OR51B5: variants seen among roughly 807,000 people sequenced by gnomAD.
OR51B5 encodes the protein olfactory receptor 51B5.
For missense variants in OR51B5, 456 were observed against 374.6 expected, an observed-to-expected ratio of 1.22 and a Z score of -1.79; for synonymous variants, 186 against 144.8, an observed-to-expected ratio of 1.28 and a Z score of -2.04.
rs1224211473 is a variant in OR51B5 at position 5,446,279 on chromosome 11, GT to G, written n.84+59289del. ...AAAAATACATACATAAAAAAAGAAA[GT>G]AGAATAACTCTCATGAGGTAACCCA... On this transcript the variant is annotated intron_variant and non_coding_transcript_variant, in intron 1 of 4. Coordinates refer to the OR51B5 transcript ENST00000415970. 2.7e-5 allele frequency among the ~76,000 whole-genome samples: 4 copies of G among 148,692 alleles called. No homozygotes were observed. The Admixed American group carries it at 2.7e-4, about 10-fold the overall frequency.
intron 1 of OR51B5, among the ~76,000 whole-genome samples, chr11:5,417,945 A>G (rs1589985307): frequency 6.9e-6 from 1 of 145,906 alleles, no homozygotes; most frequent in African/African-American, 2.5e-5. Context: ...TCATGCTGCT[A>G]TAAAGACACA....
intron 1 of OR51B5, among the ~76,000 whole-genome samples, chr11:5,470,828 A>G (rs1164158480): frequency 6.6e-6 from 1 of 152,170 alleles, no homozygotes; most frequent in African/African-American, 2.4e-5. Flanking sequence ...ATCTTCAACC[A>G]AAATATCTGC....
At chr11:5,387,653 T>C (rs773043885) in intron 1 of OR51B5, among the ~76,000 whole-genome samples, 1 of 152,170 alleles carries the variant, frequency 6.6e-6, no homozygotes, top group Non-Finnish European at 1.5e-5. Context: ...TGAATATACA[T>C]TGGCCTTCTT....
intron 1 of OR51B5, among the ~76,000 whole-genome samples, chr11:5,386,589 T>G (rs7113291): frequency 0.18 from 27,576 of 151,998 alleles, 2,666 homozygotes; most frequent in African/African-American, 0.26. Context: ...GCTACTGAAG[T>G]ACTGAAAACA....
At chr11:5,377,285 A>C (rs932110120) in intron 1 of OR51B5, among the ~76,000 whole-genome samples, 1 of 152,190 alleles carries the variant, frequency 6.6e-6, no homozygotes, top group Non-Finnish European at 1.5e-5. Flanking sequence ...AACTTTCAAT[A>C]AATTAGGTAT....
At chr11:5,349,271 A>G (rs1849038527) in intron 1 of OR51B5, among the ~76,000 whole-genome samples, 1 of 152,180 alleles carries the variant, frequency 6.6e-6, no homozygotes, top group Non-Finnish European at 1.5e-5. Context: ...AGCTATTTTA[A>G]GGATTCTTCC....
chr11:5,345,602 G>A (rs1848978287), upstream of OR51B5, among the ~76,000 whole-genome samples: 1 of 152,178 alleles, frequency 6.6e-6, no homozygotes, highest in Non-Finnish European at 1.5e-5. Flanking sequence ...AGCTGAATTA[G>A]AGCAAATGCA....
rs541738386 is a variant in OR51B5 at position 5,397,974 on chromosome 11, T to G, written n.85-51064A>C. On this transcript the variant is annotated intron_variant and non_coding_transcript_variant, in intron 1 of 4. Coordinates refer to the OR51B5 transcript ENST00000415970. ...GGACAAAAAGCCAAACACCACATGT[T>G]CTCACTCATAGGTGGGAACTGAACA... Among the ~76,000 whole-genome samples the G allele has an allele frequency of 1.8e-4, 28 of 152,116 alleles. No individual in the cohort carries two copies. In the South Asian group the frequency reaches 5.0e-3, roughly 27 times the overall value.
chr11:5,369,281 G>T (rs952283878), intron 1 of OR51B5, among the ~76,000 whole-genome samples: 8 of 152,050 alleles, frequency 5.3e-5, no homozygotes, highest in African/African-American at 9.7e-5. Flanking sequence ...ATGTGTGTGG[G>T]GTAGTAGAAA....
chr11:5,471,822 G>T (rs1045491614), intron 1 of OR51B5, among the ~76,000 whole-genome samples: 1 of 151,848 alleles, frequency 6.6e-6, no homozygotes, highest in African/African-American at 2.4e-5. Context: ...GCTTCCTCAC[G>T]TCTTATTTTC....
chr11:5,414,191 A>C (rs949295283), intron 1 of OR51B5, among the ~76,000 whole-genome samples: 1 of 151,900 alleles, frequency 6.6e-6, no homozygotes, highest in Non-Finnish European at 1.5e-5. Context: ...TAAGCTTCAT[A>C]AGTGAAGGAG....
chr11:5,487,292 G>A (rs980774289), intron 1 of OR51B5, among the ~76,000 whole-genome samples: 1 of 151,956 alleles, frequency 6.6e-6, no homozygotes, highest in Non-Finnish European at 1.5e-5. Context: ...AAAAAATAGG[G>A]GAATTATTCT....
chr11:5,477,623 G>T (rs1851332278), intron 1 of OR51B5, among the ~76,000 whole-genome samples: 1 of 152,292 alleles, frequency 6.6e-6, no homozygotes, highest in Non-Finnish European at 1.5e-5. Context: ...ACTAGGGAGT[G>T]CCAGACAGTC....
downstream of OR51B5, among the ~76,000 whole-genome samples, chr11:5,341,969 AATATGAGTTT>A (rs1378566997): frequency 6.6e-6 from 1 of 152,208 alleles, no homozygotes; most frequent in Non-Finnish European, 1.5e-5. Context: ...TTGGGGAATA[AATATGAGTTT>A]ATGGTTTTTG....
At chr11:5,354,707 A>G (rs1437130432) in intron 1 of OR51B5, 2 of 171,398 alleles carry the variant, frequency 1.2e-5, no homozygotes, top group Admixed American at 1.3e-4. Context: ...CAACATCAAG[A>G]GGGCATCTTT....
chr11:5,371,578 C>A (rs1049462338), intron 1 of OR51B5, among the ~76,000 whole-genome samples: 5 of 151,988 alleles, frequency 3.3e-5, no homozygotes, highest in African/African-American at 9.7e-5. Flanking sequence ...GGACCCTAAA[C>A]AATTAGGAAA....
At chr11:5,457,316 T>C (rs1191076285) in intron 1 of OR51B5, among the ~76,000 whole-genome samples, 1 of 152,118 alleles carries the variant, frequency 6.6e-6, no homozygotes, top group Non-Finnish European at 1.5e-5. Context: ...ATGATTTTGT[T>C]CTTTTTATGG....
chr11:5,500,197 T>C (rs1298079982), intron 1 of OR51B5, among the ~76,000 whole-genome samples: 2 of 152,210 alleles, frequency 1.3e-5, no homozygotes, highest in Non-Finnish European at 2.9e-5. Flanking sequence ...TTGCCCTGCT[T>C]CTTTGCTCTT....
At chr11:5,396,482 C>G (rs950406058) in intron 1 of OR51B5, among the ~76,000 whole-genome samples, 2 of 152,004 alleles carry the variant, frequency 1.3e-5, no homozygotes, top group Non-Finnish European at 2.9e-5. Flanking sequence ...AATATAATAC[C>G]TAGGAATCCA....
Sources: gnomAD v4.1 joint callset for allele counts (sites outside exome capture counted in the v4.1 genomes callset) on GRCh38, gnomAD v4.1.1 for gene constraint, MANE v1.5 for transcripts, NCBI Gene and HGNC (gene_info 2026-07-23, HGNC 2026-07-21) for gene names.